The following PTPRK variants were observed in gnomAD, a reference collection of about 807,000 sequenced individuals.
PTPRK encodes the protein receptor-type tyrosine-protein phosphatase kappa.
In PTPRK, 75 loss-of-function variants were observed where a neutral mutation model predicts 178.0. That is an observed-to-expected ratio of 0.42 (90% CI 0.35 to 0.51). The LOEUF is 0.51. Ranked by LOEUF, PTPRK falls within the 20% of genes least tolerant of loss-of-function variation. The pLI is 0.02. For synonymous variants in PTPRK, 637 were observed against 620.6 expected (o/e 1.03, Z -0.39); for missense variants, 1,441 against 1,797.8 (o/e 0.80, Z 3.59).
chr6:128,429,478 T>C (rs1233230189), intron 1 of PTPRK, among the ~76,000 whole-genome samples: 1 of 152,194 alleles, frequency 6.6e-6, no homozygotes, highest in Non-Finnish European at 1.5e-5. Context: ...CCTTCTTGGC[T>C]TTTTGATAAA....
chr6:128,321,880 A>G, intron 3 of PTPRK, 159 bp downstream of exon 3: 1 of 892,260 alleles, frequency 1.1e-6, no homozygotes, highest in Non-Finnish European at 1.8e-6. Flanking sequence ...CATGGGATGC[A>G]TATGTATATC....
intron 1 of PTPRK, among the ~76,000 whole-genome samples, chr6:128,419,619 A>G (rs1179303025): frequency 1.3e-5 from 2 of 152,088 alleles, no homozygotes; most frequent in East Asian, 3.8e-4. Flanking sequence ...CTCAAAAAAA[A>G]AAAAAGAAAA....
At chr6:128,464,194 CA>C (rs201251015) in intron 1 of PTPRK, among the ~76,000 whole-genome samples, 22 of 150,536 alleles carry the variant, frequency 1.5e-4, no homozygotes, top group East Asian at 9.8e-4. Flanking sequence ...AAAAAATACA[CA>C]AAAAAAAATC....
chr6:128,366,265 A>C (rs756763260), intron 2 of PTPRK, among the ~76,000 whole-genome samples: 1 of 152,160 alleles, frequency 6.6e-6, no homozygotes, highest in Non-Finnish European at 1.5e-5. Flanking sequence ...AACTTGGATC[A>C]CTTACGGAAA....
intron 1 of PTPRK, among the ~76,000 whole-genome samples, chr6:128,407,458 G>A (rs984760203): frequency 6.6e-6 from 1 of 151,758 alleles, no homozygotes; most frequent in Admixed American, 6.6e-5. Context: ...GCAACAAAGC[G>A]AGATCCCCAT....
At chr6:128,357,001 C>G (rs1834046734) in intron 2 of PTPRK, among the ~76,000 whole-genome samples, 1 of 152,104 alleles carries the variant, frequency 6.6e-6, no homozygotes, top group African/African-American at 2.4e-5. Flanking sequence ...AAAGGCAGAA[C>G]TCCATGGTGG....
chr6:128,443,388 T>C (rs558788905), intron 1 of PTPRK, among the ~76,000 whole-genome samples: 35 of 151,416 alleles, frequency 2.3e-4, no homozygotes, highest in Non-Finnish European at 2.4e-4. Flanking sequence ...ATGCGGAGAC[T>C]AGAAAAATAG....
At chr6:128,389,377 T>C (rs1177802954) in intron 2 of PTPRK, among the ~76,000 whole-genome samples, 5 of 147,864 alleles carry the variant, frequency 3.4e-5, no homozygotes, top group Admixed American at 2.1e-4. Flanking sequence ...GTTACCTACC[T>C]TTTCTTGTTT....
chr6:128,032,895 C>A (rs1401174046), intron 13 of PTPRK, among the ~76,000 whole-genome samples: 2 of 152,176 alleles, frequency 1.3e-5, no homozygotes, highest in Non-Finnish European at 2.9e-5. Context: ...ATTGCCTGGA[C>A]CTGACCCCAG....
At chr6:128,205,331 G>A (rs1806729307) in intron 6 of PTPRK, among the ~76,000 whole-genome samples, 1 of 151,986 alleles carries the variant, frequency 6.6e-6, no homozygotes, top group Non-Finnish European at 1.5e-5. Context: ...ATACCTAGGT[G>A]ATGGGACAAT....
At chr6:128,056,179 T>C (rs76483239) in intron 13 of PTPRK, among the ~76,000 whole-genome samples, 4,034 of 151,940 alleles carry the variant, frequency 0.027, 176 homozygotes, top group African/African-American at 0.093. Context: ...CTCTTTCCTC[T>C]TTAATTTCTC....
At chr6:128,080,782 A>C (rs73584655) in intron 10 of PTPRK, among the ~76,000 whole-genome samples, 12,850 of 152,108 alleles carry the variant, frequency 0.084, 866 homozygotes, top group African/African-American at 0.18. Context: ...TCAAGTAATG[A>C]TGAGAACCAC....
intron 1 of PTPRK, among the ~76,000 whole-genome samples, chr6:128,449,359 C>G (rs1185601338): frequency 6.6e-6 from 1 of 152,182 alleles, no homozygotes; most frequent in Non-Finnish European, 1.5e-5. Context: ...TACCTATACT[C>G]ATGTATTATT....
intron 15 of PTPRK, among the ~76,000 whole-genome samples, chr6:128,003,523 C>T (rs1455590760): frequency 6.6e-6 from 1 of 151,662 alleles, no homozygotes; most frequent in African/African-American, 2.4e-5. Flanking sequence ...TTAGATCTAT[C>T]AAGTGTAAGG....
intron 25 of PTPRK, among the ~76,000 whole-genome samples, chr6:127,980,488 T>A (rs1775195095): frequency 6.6e-6 from 1 of 151,140 alleles, no homozygotes; most frequent in African/African-American, 2.4e-5. Context: ...TGAGACTCTG[T>A]CTAAAAAAAA....
chr6:128,172,687 A>G (rs1011199045), intron 7 of PTPRK, among the ~76,000 whole-genome samples: 4 of 151,722 alleles, frequency 2.6e-5, no homozygotes, highest in African/African-American at 9.7e-5. Context: ...TATGCATATC[A>G]ATGTATATAT....
At chr6:128,465,360 T>C (rs1009216710) in intron 1 of PTPRK, among the ~76,000 whole-genome samples, 3 of 152,198 alleles carry the variant, frequency 2.0e-5, no homozygotes, top group African/African-American at 7.2e-5. Context: ...ATTCCTTTTG[T>C]TACTACTATA....
At chr6:128,059,116 GC>G (rs1427893174) in intron 13 of PTPRK, among the ~76,000 whole-genome samples, 1 of 152,010 alleles carries the variant, frequency 6.6e-6, no homozygotes, top group East Asian at 1.9e-4. Context: ...TTTAAGAGTA[GC>G]CTTGCATATT....
chr6:128,192,390 G>C (rs3813371), intron 6 of PTPRK, among the ~76,000 whole-genome samples: 15,291 of 152,056 alleles, frequency 0.1, 1,473 homozygotes, highest in East Asian at 0.35. Flanking sequence ...CAATTTGTTA[G>C]GTGCCCACAA....
Sources: allele counts gnomAD v4.1 joint callset (sites outside exome capture counted in the v4.1 genomes callset), GRCh38; gene constraint gnomAD v4.1.1; transcripts MANE v1.5; gene names NCBI Gene and HGNC (gene_info 2026-07-23, HGNC 2026-07-21).